TSPAN7: variants seen among roughly 807,000 people sequenced by gnomAD.
The protein encoded by TSPAN7 is tetraspanin-7.
In TSPAN7, 1 loss-of-function variant was observed where a neutral mutation model predicts 17.6. The ratio of observed to expected loss-of-function variants is 0.06; its 90% CI spans 0.02 to 0.27. The LOEUF (loss-of-function observed/expected upper bound fraction) is 0.27. Among genes scored for constraint, TSPAN7 ranks in the 10% least tolerant of loss-of-function variants. The pLI is 1.00. For synonymous variants in TSPAN7, 78 were observed against 79.0 expected, an observed-to-expected ratio of 0.99 and a Z score of 0.07; for missense variants, 112 against 201.7, an observed-to-expected ratio of 0.56 and a Z score of 2.69.
intron 1 of TSPAN7, chrX:38,608,275 C>T (rs1370605620): frequency 9.1e-6 from 1 of 109,912 alleles, no homozygotes; most frequent in East Asian, 2.8e-4. Flanking sequence ...CAGAAAGCCC[C>T]CCCACCAAAA....
chrX:38,654,170 C>T (rs1473993173), intron 1 of TSPAN7, among the ~76,000 whole-genome samples: 5 of 111,415 alleles, frequency 4.5e-5, no homozygotes, highest in East Asian at 5.6e-4. Flanking sequence ...CATTTAGTGG[C>T]GATGACCTTG....
chrX:38,593,945 A>G (rs1421583140), intron 1 of TSPAN7, among the ~76,000 whole-genome samples: 1 of 112,539 alleles, frequency 8.9e-6, no homozygotes, highest in Non-Finnish European at 1.9e-5. Flanking sequence ...TCATTCATCT[A>G]TAAAAACTAT....
intron 1 of TSPAN7, among the ~76,000 whole-genome samples, chrX:38,604,477 A>C (rs995973055): frequency 3.6e-5 from 4 of 110,478 alleles, no homozygotes; most frequent in African/African-American, 6.6e-5. Context: ...GAACTAGTTT[A>C]CAGTCCCACC....
intron 2 of TSPAN7, among the ~76,000 whole-genome samples, chrX:38,670,481 GT>G (rs2069813900): frequency 8.9e-6 from 1 of 112,294 alleles, no homozygotes; most frequent in Admixed American, 9.4e-5. Context: ...GCTTGCAAAT[GT>G]CATTAGTAGT....
chrX:38,683,360 C>T (rs2069904498), intron 6 of TSPAN7, among the ~76,000 whole-genome samples: 1 of 112,840 alleles, frequency 8.9e-6, no homozygotes, highest in Non-Finnish European at 1.9e-5. Flanking sequence ...CTCTGTGCTA[C>T]CTTAAAGAAA....
At chrX:38,616,682 TA>T in intron 1 of TSPAN7, among the ~76,000 whole-genome samples, 1 of 112,203 alleles carries the variant, frequency 8.9e-6, no homozygotes. Context: ...TTGCCTGCTA[TA>T]GGTGGTGGTA....
At chrX:38,567,668 G>C (rs767250973) in intron 1 of TSPAN7, among the ~76,000 whole-genome samples, 1 of 112,331 alleles carries the variant, frequency 8.9e-6, no homozygotes, top group Admixed American at 9.3e-5. Context: ...GTGTACCAAC[G>C]TTTACTAGCT....
intron 1 of TSPAN7, among the ~76,000 whole-genome samples, chrX:38,611,052 C>A (rs1160902471): frequency 8.9e-6 from 1 of 112,221 alleles, no homozygotes; most frequent in East Asian, 2.8e-4. Flanking sequence ...AGCCAGATGG[C>A]TAAACAGCAT....
chrX:38,623,061 A>G lies in TSPAN7; in HGVS notation c.82-43060A>G, dbSNP rs1205893378. 9.1e-6 allele frequency: 3 copies of G among 328,970 alleles called. No individual in the cohort carries two copies. In the Admixed American group the frequency reaches 9.4e-5, roughly 10 times the overall value. 27.1% of individuals were successfully genotyped at this position (328,970 alleles called of 1,213,427 possible). A position where few individuals can be genotyped will look rare whatever the true frequency, so the allele number is the denominator to read the frequency against. On this transcript the variant is annotated intron_variant, in intron 1 of 7. Coordinates refer to ENST00000378482, the MANE Select transcript of TSPAN7 (RefSeq NM_004615.4). ...AGGTCTTAAATCTTGGTTGATTTGT[A>G]GTTTGTTGTTTTATCTGTACAGTTG...
At chrX:38,636,768 C>T (rs1291511554) in intron 1 of TSPAN7, among the ~76,000 whole-genome samples, 1 of 110,509 alleles carries the variant, frequency 9.0e-6, no homozygotes, top group Non-Finnish European at 1.9e-5. Context: ...CTCCGCCTCC[C>T]GGGTTCAAGC....
At chrX:38,660,137 C>A (rs959510122) in intron 1 of TSPAN7, among the ~76,000 whole-genome samples, 10 of 111,057 alleles carry the variant, frequency 9.0e-5, no homozygotes, top group African/African-American at 3.0e-4. Context: ...CTGGCCCCAG[C>A]TAATGTTCTT....
chrX:38,679,019 A>G (rs2069873252), intron 5 of TSPAN7, among the ~76,000 whole-genome samples: 1 of 112,066 alleles, frequency 8.9e-6, no homozygotes, highest in African/African-American at 3.2e-5. Context: ...ACATTGAGGA[A>G]CAAGGTTTAG....
At chrX:38,649,161 C>T (rs1308233385) in intron 1 of TSPAN7, among the ~76,000 whole-genome samples, 4 of 111,365 alleles carry the variant, frequency 3.6e-5, no homozygotes, top group African/African-American at 1.3e-4. Flanking sequence ...CAGTGTGACA[C>T]CTCTTCGTAT....
intron 1 of TSPAN7, among the ~76,000 whole-genome samples, chrX:38,614,553 C>G (rs1278586269): frequency 8.9e-6 from 1 of 112,513 alleles, no homozygotes; most frequent in East Asian, 2.8e-4. Context: ...TATGAGTTAA[C>G]TGGACTTTGA....
intron 1 of TSPAN7, among the ~76,000 whole-genome samples, chrX:38,573,948 G>A (rs1226233078): frequency 9.0e-6 from 1 of 111,606 alleles, no homozygotes; most frequent in Non-Finnish European, 1.9e-5. Context: ...GATCACCGGG[G>A]TGAGATAATT....
intron 1 of TSPAN7, among the ~76,000 whole-genome samples, chrX:38,605,243 A>G (rs759856669): frequency 9.0e-6 from 1 of 111,109 alleles, no homozygotes; most frequent in African/African-American, 3.3e-5. Flanking sequence ...TGCAAAAATC[A>G]CAAGCATTCT....
chrX:38,644,421 C>T (rs952228792), intron 1 of TSPAN7, among the ~76,000 whole-genome samples: 5 of 111,841 alleles, frequency 4.5e-5, no homozygotes, highest in Non-Finnish European at 5.6e-5. Context: ...GTGTCCCTTT[C>T]GATTTATATC....
At chrX:38,649,678 T>C (rs1233127370) in intron 1 of TSPAN7, among the ~76,000 whole-genome samples, 1 of 111,808 alleles carries the variant, frequency 8.9e-6, no homozygotes, top group Non-Finnish European at 1.9e-5. Context: ...GGTTGTGCTG[T>C]TAATAGGTCT....
At position 38,632,140 on chromosome X, in the gene TSPAN7, A is replaced by G. The variant is rs2069555014; in HGVS notation, c.82-33981A>G. Among the ~76,000 whole-genome samples, 3 of 111,658 alleles carry G rather than the reference A, an allele frequency of 2.7e-5. No individual in the cohort carries two copies. The South Asian group carries it at 1.1e-3, about 42-fold the overall frequency. ...AATTGGCGTAAACTCTCACCTTCTA[A>G]TTATGCTAATGCCATTAAGATTTCA... is the stretch of plus-strand genomic sequence containing the variant. On this transcript the variant is annotated intron_variant, in intron 1 of 7. Coordinates refer to ENST00000378482, the MANE Select transcript of TSPAN7 (RefSeq NM_004615.4).
Sources: allele counts gnomAD v4.1 joint callset (sites outside exome capture counted in the v4.1 genomes callset), GRCh38; gene constraint gnomAD v4.1.1; transcripts MANE v1.5; gene names NCBI Gene and HGNC (gene_info 2026-07-23, HGNC 2026-07-21).